KLHL18: variants seen among roughly 807,000 people sequenced by gnomAD.
The protein encoded by KLHL18 is kelch-like protein 18.
Under a neutral mutation model 58.5 loss-of-function variants are expected in KLHL18, and 38 were observed. That is an observed-to-expected ratio of 0.65 (90% confidence interval 0.50 to 0.85). KLHL18 has a LOEUF of 0.85. KLHL18 is among the 40% of genes least tolerant of loss of function. The pLI, the probability that KLHL18 is intolerant of heterozygous loss-of-function variation, is 0.00. For synonymous variants in KLHL18, 303 were observed against 301.9 expected (o/e 1.00, Z -0.04); for missense variants, 624 against 778.4 (o/e 0.80, Z 2.36).
chr3:47,317,794 C>G lies in KLHL18; in HGVS notation c.130-1859C>G, dbSNP rs553052279. ...GGGGATAGTACATGAAGAAAGGTAT[C>G]AGGACAAATTCTTAATCTTCCATAA... On this transcript the variant is annotated intron_variant, in intron 1 of 9. Coordinates refer to ENST00000232766, the MANE Select transcript of KLHL18 (RefSeq NM_025010.5). Among the ~76,000 whole-genome samples the G allele has an allele frequency of 4.6e-5, 7 of 152,106 alleles. No individual in the cohort carries two copies. In the East Asian group the frequency reaches 9.6e-4, roughly 21 times the overall value.
intron 1 of KLHL18, among the ~76,000 whole-genome samples, chr3:47,296,410 A>T (rs1036172277): frequency 8.5e-5 from 13 of 152,218 alleles, no homozygotes; most frequent in African/African-American, 3.1e-4. Context: ...AAGTGCATTT[A>T]CCTGTGCTTG....
rs370398081 is a variant in KLHL18, at chr3:47,325,995, A to C, written c.401+3287A>C. Among the ~76,000 whole-genome samples the C allele has an allele frequency of 1.1e-3, 162 of 151,816 alleles. 6 individuals are homozygous for C. In the South Asian group the frequency reaches 0.032, roughly 30 times the overall value. On this transcript the variant is annotated intron_variant, in intron 3 of 9. Coordinates refer to ENST00000232766, the MANE Select transcript of KLHL18 (RefSeq NM_025010.5). ...CAGAGTCTTGCTCTGTCGCCCAGGC[A>C]GGAATGCAGTGGCATGATCTCAGCT...
At chr3:47,302,639 G>A (rs1451179526) in intron 1 of KLHL18, among the ~76,000 whole-genome samples, 1 of 152,190 alleles carries the variant, frequency 6.6e-6, no homozygotes. Context: ...TGTCCCTGGT[G>A]GCAGAGGCGG....
intron 1 of KLHL18, among the ~76,000 whole-genome samples, chr3:47,308,822 G>A (rs1703213260): frequency 6.6e-6 from 1 of 151,802 alleles, no homozygotes; most frequent in East Asian, 1.9e-4. Flanking sequence ...TCGCAGAGGG[G>A]GATTTGGCAG....
At chr3:47,287,814 A>T (rs1358542868) in intron 1 of KLHL18, among the ~76,000 whole-genome samples, 1 of 152,148 alleles carries the variant, frequency 6.6e-6, no homozygotes, top group African/African-American at 2.4e-5. Context: ...TAATAACTTA[A>T]TGGAGTTTCT....
At chr3:47,337,979 T>C (rs1559504704) in intron 7 of KLHL18, 1 of 152,376 alleles carries the variant, frequency 6.6e-6, no homozygotes, top group East Asian at 1.9e-4. Flanking sequence ...GGAGGAAAGT[T>C]CTCTGGGTAT....
chr3:47,310,031 T>C (rs1228255171), intron 1 of KLHL18, among the ~76,000 whole-genome samples: 1 of 152,120 alleles, frequency 6.6e-6, no homozygotes, highest in Non-Finnish European at 1.5e-5. Context: ...TAATGCCTTA[T>C]GTATATTCAT....
chr3:47,295,132 T>A (rs183249603), intron 1 of KLHL18, among the ~76,000 whole-genome samples: 17 of 152,258 alleles, frequency 1.1e-4, no homozygotes, highest in Non-Finnish European at 2.1e-4. Context: ...GGTGGCTAGT[T>A]TTCTGTAGGA....
chr3:47,298,253 G>A (rs1198629943), intron 1 of KLHL18, among the ~76,000 whole-genome samples: 3 of 150,888 alleles, frequency 2.0e-5, no homozygotes, highest in Admixed American at 6.6e-5. Flanking sequence ...CTATAGTCCC[G>A]GCTACTTGGG....
chr3:47,332,844 A>ATGGAGGGAGTT (rs1703896318), intron 4 of KLHL18, among the ~76,000 whole-genome samples: 1 of 152,064 alleles, frequency 6.6e-6, no homozygotes, highest in Non-Finnish European at 1.5e-5. Flanking sequence ...AGAGAGGGTG[A>ATGGAGGGAGTT]TGGAGGGAGT....
At chr3:47,313,298 A>C (rs1211517417) in intron 1 of KLHL18, among the ~76,000 whole-genome samples, 2 of 147,802 alleles carry the variant, frequency 1.4e-5, no homozygotes, top group African/African-American at 5.0e-5. Flanking sequence ...ACTTCCTGTA[A>C]CCCCCAACTC....
intron 1 of KLHL18, among the ~76,000 whole-genome samples, chr3:47,314,491 C>CT (rs35538412): frequency 0.5 from 73,659 of 148,180 alleles, 19,490 homozygotes; most frequent in Non-Finnish European, 0.6. Context: ...TGTTTTTTGT[C>CT]TTTTTTTTTT....
intron 1 of KLHL18, among the ~76,000 whole-genome samples, chr3:47,287,758 T>A (rs1702707573): frequency 6.6e-6 from 1 of 152,158 alleles, no homozygotes; most frequent in East Asian, 1.9e-4. Context: ...GTGTTGGGAT[T>A]ACAGGCATCA....
intron 8 of KLHL18, 132 bp downstream of exon 8, chr3:47,340,808 G>C: frequency 1.2e-6 from 1 of 836,444 alleles, no homozygotes; most frequent in Admixed American, 2.9e-5. Context: ...ATAGTACTTT[G>C]TATATACTAG....
At chr3:47,296,828 C>T (rs529021958) in intron 1 of KLHL18, among the ~76,000 whole-genome samples, 113 of 152,170 alleles carry the variant, frequency 7.4e-4, no homozygotes, top group African/African-American at 2.7e-3. Flanking sequence ...TTGGAGAGGT[C>T]GATTGAGTAC....
intron 1 of KLHL18, among the ~76,000 whole-genome samples, chr3:47,304,587 T>C (rs1398364916): frequency 6.6e-6 from 1 of 152,268 alleles, no homozygotes; most frequent in Non-Finnish European, 1.5e-5. Context: ...AATTTTGGTT[T>C]CCAAGTGTTA....
chr3:47,322,527 C>A (rs753350842), intron 2 of KLHL18, 41 bp from the exon 3 acceptor site: 3 of 1,537,698 alleles, frequency 2.0e-6, no homozygotes, highest in Non-Finnish European at 2.6e-6. Flanking sequence ...GGCCAAGACT[C>A]GTCTCTGAAA....
intron 7 of KLHL18, among the ~76,000 whole-genome samples, chr3:47,339,369 G>A (rs561536151): frequency 1.3e-5 from 2 of 151,972 alleles, no homozygotes; most frequent in South Asian, 4.2e-4. Context: ...CCATGTGCCT[G>A]TAGTCCCAGC....
At chr3:47,285,457 C>A (rs114474984) in intron 1 of KLHL18, among the ~76,000 whole-genome samples, 1 of 152,154 alleles carries the variant, frequency 6.6e-6, no homozygotes, top group Non-Finnish European at 1.5e-5. Context: ...TGGCTCACGC[C>A]TATTATCCCA....
Sources: allele counts gnomAD v4.1 joint callset (sites outside exome capture counted in the v4.1 genomes callset), GRCh38; gene constraint gnomAD v4.1.1; transcripts MANE v1.5; gene names NCBI Gene and HGNC (gene_info 2026-07-23, HGNC 2026-07-21).